Variants in OR51B6 observed in about 807,000 individuals in gnomAD.
OR51B6 encodes the protein olfactory receptor family 51 subfamily B member 6.
For missense variants in OR51B6, 502 were observed against 382.2 expected (o/e 1.31, Z -2.61); for synonymous variants, 154 against 137.3 (o/e 1.12, Z -0.85).
rs1849099205 is a variant in OR51B6, at chr11:5,352,005, C to A, written c.498C>A (p.Tyr166Ter). 6.2e-7 allele frequency: 1 copy of A among 1,613,598 alleles called. No individual in the cohort carries two copies. The highest frequency in any genetic ancestry group is 8.5e-7 in the Non-Finnish European group (1 of 1,179,628). The change falls in exon 1 of 1, where the codon TAC becomes TAA. Residue 166 changes from tyrosine to a stop codon, truncating the protein, a stop_gained. Coordinates refer to ENST00000380219, the MANE Select transcript of OR51B6 (RefSeq NM_001004750.1). LOFTEE classifies it low-confidence loss of function (END_TRUNC). ...TTGTTCGCCTACACTGGTTTCCCTA[C>A]TGTCGATCCCATGTACTCTCCCATG... is the stretch of plus-strand genomic sequence containing the variant. Reference protein sequence around the residue: ...PIVVRLHWFPYCRSHVLSHAF... With the variant: ...PIVVRLHWFP
At position 5,351,728 on chromosome 11, in the gene OR51B6, C is replaced by T. The variant is rs1849091144; in HGVS notation, c.221C>T (p.Thr74Ile). ...GCTACAGACCTCGGAGTGACATTGA[C>T]CACAATGCCCACAGTGCTAGGTGTT... ...LAATDLGVTL[T>I]TMPTVLGVLW... Residue 74 changes from threonine to isoleucine, a missense_variant, in exon 1 of 1, where the codon ACC (threonine) becomes ATC (isoleucine). Physicochemically the swap from Thr to Ile is moderately conservative, Grantham distance 89. Transcript: ENST00000380219. The T allele has an allele frequency of 4.3e-6, 7 of 1,613,730 alleles. No homozygotes were observed. The highest frequency in any genetic ancestry group is 5.9e-6 in the Non-Finnish European group (7 of 1,179,884).
Position 5,352,078 on chromosome 11 carries a change from A to T in OR51B6, c.571A>T (p.Thr191Ser). The change falls in exon 1 of 1, where the codon ACC becomes TCC. Residue 191 changes from threonine (T) to serine (S), a missense_variant. Transcript: ENST00000380219. Reference sequence around the variant, plus strand: ...CATCAAGCTAGCCTGTGCTGACATCACCTTCAACCGTCTCTATCCAGTTGT... The same window carrying T: ...CATCAAGCTAGCCTGTGCTGACATCTCCTTCAACCGTCTCTATCCAGTTGT... The part of the protein sequence containing the change: ...DVIKLACADI[T>S]FNRLYPVVVL... 2 of 1,614,054 alleles carry T rather than the reference A, an allele frequency of 1.2e-6. No homozygotes were observed. The highest frequency in any genetic ancestry group is 1.7e-6 in the Non-Finnish European group (2 of 1,179,974).
At position 5,351,631 on chromosome 11, in the gene OR51B6, A is replaced by C. The variant is rs1849089128; in HGVS notation, c.124A>C (p.Thr42Pro). The change falls in exon 1 of 1, where the codon ACT (threonine) becomes CCT (proline). Residue 42 changes from threonine (T) to proline (P), a missense_variant. Physicochemically the swap from Thr to Pro is conservative, Grantham distance 38 (BLOSUM62 -1). Coordinates refer to ENST00000380219, the MANE Select transcript of OR51B6 (RefSeq NM_001004750.1). ...CATCTCCATACTTCTTGGCAATGGC[A>C]CTCTTCTCTTTCTCATCAGGAATGA... ...AYISILLGNG[T>P]LLFLIRNDHN... The C allele has an allele frequency of 6.2e-7, 1 of 1,613,862 alleles. No homozygotes were observed. Among genetic ancestry groups the C allele is most frequent in the East Asian group, 2.2e-5 (1 of 44,870 alleles).
chr11:5,352,210 G>A lies in OR51B6; in HGVS notation c.703G>A (p.Ala235Thr). The A allele has an allele frequency of 6.2e-7, 1 of 1,614,098 alleles. No homozygotes were observed. The highest frequency in any genetic ancestry group is 8.5e-7 in the Non-Finnish European group (1 of 1,179,972). ...TGGTTCTGGAGGAGAAAGGGCCAAG[G>A]CCCTCAACACATGTGTCTCTCATAT... The part of the protein sequence containing the change: ...GIGSGGERAK[A>T]LNTCVSHICC... Residue 235 changes from alanine (A) to threonine (T), a missense_variant, in exon 1 of 1, where the codon GCC becomes ACC. Transcript: ENST00000380219.
rs769473128 is a variant in OR51B6, at chr11:5,352,011, ATCCCAT to A, written c.505_510del (p.Ser169_His170del). ...GCCTACACTGGTTTCCCTACTGTCG[ATCCCAT>A]GTACTCTCCCATGCTTTCTGTCTAC... On this transcript the variant is annotated inframe_deletion, in exon 1 of 1. Coordinates refer to ENST00000380219, the MANE Select transcript of OR51B6 (RefSeq NM_001004750.1). 6.8e-6 allele frequency: 11 copies of A among 1,613,656 alleles called. No homozygotes were observed. Among genetic ancestry groups the A allele is most frequent in the Non-Finnish European group, 9.3e-6 (11 of 1,179,668 alleles).
Position 5,351,696 on chromosome 11 carries a change from G to A in OR51B6, c.189G>A (p.Met63Ile). The change falls in exon 1 of 1, where the codon ATG becomes ATA. Residue 63 changes from methionine to isoleucine, a missense_variant. Physicochemically the swap from Met to Ile is conservative, Grantham distance 10 (BLOSUM62 1). Coordinates refer to ENST00000380219, the MANE Select transcript of OR51B6 (RefSeq NM_001004750.1). ...AGCCCATGTACTATTTCTTAGCTAT[G>A]TTGGCAGCTACAGACCTCGGAGTGA... ...LHEPMYYFLA[M>I]LAATDLGVTL... 2.5e-6 allele frequency: 4 copies of A among 1,614,052 alleles called. No individual in the cohort carries two copies. The highest frequency in any genetic ancestry group is 2.5e-6 in the Non-Finnish European group (3 of 1,180,008).
chr11:5,351,801 G>A lies in OR51B6; in HGVS notation c.294G>A (p.Gln98=), dbSNP rs999950674. The change falls in exon 1 of 1, where the codon CAG becomes CAA. Residue 98 remains glutamine (Q), a synonymous_variant. Coordinates refer to ENST00000380219, the MANE Select transcript of OR51B6 (RefSeq NM_001004750.1). ...REIGHGACFS[Q]AYFIHTLSVM... ...TTGGCCATGGAGCCTGCTTCTCTCA[G>A]GCCTATTTTATCCATACTCTTTCTG... The A allele has an allele frequency of 6.2e-7, 1 of 1,614,066 alleles. No homozygotes were observed. The highest frequency in any genetic ancestry group is 1.3e-5 in the African/African-American group (1 of 75,022).
chr11:5,351,740 C>T lies in OR51B6; in HGVS notation c.233C>T (p.Thr78Ile). 3 of 1,613,930 alleles carry T rather than the reference C, an allele frequency of 1.9e-6. No homozygotes were observed. The highest frequency in any genetic ancestry group is 2.5e-6 in the Non-Finnish European group (3 of 1,179,904). ...DLGVTLTTMP[T>I]VLGVLWLDHR... The stretch of plus-strand genomic sequence containing the variant: ...GGAGTGACATTGACCACAATGCCCA[C>T]AGTGCTAGGTGTTCTGTGGTTAGAT... The change falls in exon 1 of 1, where the codon ACA becomes ATA. Residue 78 changes from threonine to isoleucine, a missense_variant. Physicochemically the swap from Thr to Ile is moderately conservative, Grantham distance 89 (BLOSUM62 -1). Transcript: ENST00000380219.
Position 5,351,531 on chromosome 11 carries a change from C to T in OR51B6, c.24C>T (p.Ser8=). Residue 8 remains serine (S), a synonymous_variant, in exon 1 of 1, where the codon TCC becomes TCT. Transcript: ENST00000380219. The part of the protein sequence containing the change: MGLNKSA[S]TFQLTGFPGM... Reference sequence around the variant, plus strand: ...CAATGGGGCTCAATAAGTCTGCTTCCACCTTCCAGCTTACTGGCTTCCCAG... The same window carrying T: ...CAATGGGGCTCAATAAGTCTGCTTCTACCTTCCAGCTTACTGGCTTCCCAG... The T allele has an allele frequency of 3.7e-6, 6 of 1,612,834 alleles. No homozygotes were observed. Among genetic ancestry groups the T allele is most frequent in the South Asian group, 1.1e-5 (1 of 90,824 alleles).
Position 5,351,950 on chromosome 11 carries a change from C to T in OR51B6, c.443C>T (p.Thr148Ile). 1.2e-6 allele frequency: 2 copies of T among 1,613,060 alleles called. No individual in the cohort carries two copies. Among genetic ancestry groups the T allele is most frequent in the Non-Finnish European group, 8.5e-7 (1 of 1,179,064 alleles). The change falls in exon 1 of 1, where the codon ACA becomes ATA. Residue 148 changes from threonine (T) to isoleucine (I), a missense_variant. By Grantham distance (89) the Thr-to-Ile change is moderately conservative. Transcript: ENST00000380219. ...ATGAAGATTGGTGTGCGGGTATTGA[C>T]AAGGGCTGGTCTGTCCATTATGCCA... ...QVMKIGVRVLTRAGLSIMPIV... is the reference protein window; with the variant it reads ...QVMKIGVRVLIRAGLSIMPIV...
In OR51B6 at chr11:5,352,048, G is replaced by C; in HGVS notation, c.541G>C (p.Asp181His). 6.2e-7 allele frequency: 1 copy of C among 1,613,998 alleles called. No homozygotes were observed. Among genetic ancestry groups the C allele is most frequent in the East Asian group, 2.2e-5 (1 of 44,880 alleles). Reference protein sequence around the residue: ...VLSHAFCLHQDVIKLACADIT... With the variant: ...VLSHAFCLHQHVIKLACADIT... ...CTCCCATGCTTTCTGTCTACACCAA[G>C]ATGTCATCAAGCTAGCCTGTGCTGA... Residue 181 changes from aspartate to histidine, a missense_variant, in exon 1 of 1, where the codon GAT (aspartate) becomes CAT (histidine). Physicochemically the swap from Asp to His is moderately conservative, Grantham distance 81. Coordinates refer to ENST00000380219, the MANE Select transcript of OR51B6 (RefSeq NM_001004750.1).
rs1277535391 is a variant in OR51B6 at position 5,352,083 on chromosome 11, C to T, written c.576C>T (p.Phe192=). Residue 192 remains phenylalanine, a synonymous_variant, in exon 1 of 1, where the codon TTC becomes TTT. Transcript: ENST00000380219. ...AGCTAGCCTGTGCTGACATCACCTT[C>T]AACCGTCTCTATCCAGTTGTAGTTT... is the stretch of plus-strand genomic sequence containing the variant. ...VIKLACADIT[F]NRLYPVVVLF... 6.2e-7 allele frequency: 1 copy of T among 1,614,150 alleles called. No homozygotes were observed. The highest frequency in any genetic ancestry group is 2.2e-5 in the East Asian group (1 of 44,884).
chr11:5,352,091 T>A lies in OR51B6; in HGVS notation c.584T>A (p.Leu195His). 1 of 1,614,156 alleles carries A rather than the reference T, an allele frequency of 6.2e-7. No homozygotes were observed. Among genetic ancestry groups the A allele is most frequent in the South Asian group, 1.1e-5 (1 of 91,076 alleles). ...TGTGCTGACATCACCTTCAACCGTC[T>A]CTATCCAGTTGTAGTTTTATTTGCA... Reference protein sequence around the residue: ...LACADITFNRLYPVVVLFAMV... With the variant: ...LACADITFNRHYPVVVLFAMV... The change falls in exon 1 of 1, where the codon CTC (leucine) becomes CAC (histidine). Residue 195 changes from leucine to histidine, a missense_variant. Coordinates refer to ENST00000380219, the MANE Select transcript of OR51B6 (RefSeq NM_001004750.1).
rs761975701 is a variant in OR51B6, at chr11:5,351,605, A to G, written c.98A>G (p.Tyr33Cys). The change falls in exon 1 of 1, where the codon TAC (tyrosine) becomes TGC (cysteine). Residue 33 changes from tyrosine to cysteine, a missense_variant. Tyr to Cys is a radical substitution (Grantham distance 194, BLOSUM62 -2). Coordinates refer to ENST00000380219, the MANE Select transcript of OR51B6 (RefSeq NM_001004750.1). ...HWIFIPLLAAYISILLGNGTL... is the reference protein window; with the variant it reads ...HWIFIPLLAACISILLGNGTL... ...ATATTCATCCCATTATTGGCAGCCT[A>G]CATCTCCATACTTCTTGGCAATGGC... 4 of 1,613,998 alleles carry G rather than the reference A, an allele frequency of 2.5e-6. No homozygotes were observed. The South Asian group carries it at 3.3e-5, about 13-fold the overall frequency.
rs780108031 is a variant in OR51B6, at chr11:5,352,009, C to A, written c.502C>A (p.Arg168=). The change falls in exon 1 of 1, where the codon CGA becomes AGA. Residue 168 remains arginine (R), a synonymous_variant. Transcript: ENST00000380219. ...TCGCCTACACTGGTTTCCCTACTGT[C>A]GATCCCATGTACTCTCCCATGCTTT... ...VVRLHWFPYC[R]SHVLSHAFCL... is the part of the protein sequence containing the mutation. 1 of 1,613,600 alleles carries A rather than the reference C, an allele frequency of 6.2e-7. No individual in the cohort carries two copies. The highest frequency in any genetic ancestry group is 8.5e-7 in the Non-Finnish European group (1 of 1,179,654).
rs368560937 is a variant in OR51B6 at position 5,352,132 on chromosome 11, T to A, written c.625T>A (p.Phe209Ile). The A allele has an allele frequency of 6.2e-7, 1 of 1,614,212 alleles. No individual in the cohort carries two copies. The highest frequency in any genetic ancestry group is 1.3e-5 in the African/African-American group (1 of 75,068). ...TTTATTTGCAATGGTCTTGTTGGAC[T>A]TTCTCATCATCTTTTTCTCCTACAT... Reference protein sequence around the residue: ...VVLFAMVLLDFLIIFFSYILI... With the variant: ...VVLFAMVLLDILIIFFSYILI... The change falls in exon 1 of 1, where the codon TTT becomes ATT. Residue 209 changes from phenylalanine to isoleucine, a missense_variant. By Grantham distance (21) the Phe-to-Ile change is conservative (BLOSUM62 0). Transcript: ENST00000380219.
chr11:5,351,967 A>T lies in OR51B6; in HGVS notation c.460A>T (p.Ile154Phe). 1 of 1,613,202 alleles carries T rather than the reference A, an allele frequency of 6.2e-7. No homozygotes were observed. Among genetic ancestry groups the T allele is most frequent in the Non-Finnish European group, 8.5e-7 (1 of 1,179,148 alleles). ...VRVLTRAGLS[I>F]MPIVVRLHWF... ...GGTATTGACAAGGGCTGGTCTGTCCATTATGCCAATAGTTGTTCGCCTACA... is the reference window on the plus strand; with the variant it reads ...GGTATTGACAAGGGCTGGTCTGTCCTTTATGCCAATAGTTGTTCGCCTACA... Residue 154 changes from isoleucine to phenylalanine, a missense_variant, in exon 1 of 1, where the codon ATT becomes TTT. Ile to Phe is a conservative substitution (Grantham distance 21). Transcript: ENST00000380219.
Position 5,352,314 on chromosome 11 carries a change from C to T in OR51B6, c.807C>T (p.Val269=), listed in dbSNP as rs754044205. ...IHRFGKHVPH[V]VHITMSYIHF... ...GGTTTGGAAAGCATGTTCCTCATGT[C>T]GTTCACATCACAATGAGCTACATCC... The change falls in exon 1 of 1, where the codon GTC becomes GTT. Residue 269 remains valine, a synonymous_variant. Transcript: ENST00000380219. 29 of 1,613,796 alleles carry T rather than the reference C, an allele frequency of 1.8e-5. No individual in the cohort carries two copies. Among genetic ancestry groups the T allele is most frequent in the East Asian group, 6.7e-5 (3 of 44,902 alleles).
rs1416155105 is a variant in OR51B6, at chr11:5,351,978, A to G, written c.471A>G (p.Ile157Met). 3.7e-6 allele frequency: 6 copies of G among 1,613,326 alleles called. No homozygotes were observed. In the Admixed American group the frequency reaches 5.0e-5, roughly 13 times the overall value. The change falls in exon 1 of 1, where the codon ATA becomes ATG. Residue 157 changes from isoleucine to methionine, a missense_variant. Transcript: ENST00000380219. ...GGGCTGGTCTGTCCATTATGCCAAT[A>G]GTTGTTCGCCTACACTGGTTTCCCT... is the stretch of plus-strand genomic sequence containing the variant. Reference protein sequence around the residue: ...LTRAGLSIMPIVVRLHWFPYC... With the variant: ...LTRAGLSIMPMVVRLHWFPYC...
Sources: allele counts gnomAD v4.1 joint callset, GRCh38; gene constraint gnomAD v4.1.1; transcripts MANE v1.5; gene names NCBI Gene and HGNC (gene_info 2026-07-23, HGNC 2026-07-21).